Variants in CREBBP observed in about 807,000 individuals in gnomAD.
The protein encoded by CREBBP is CREB binding lysine acetyltransferase, also known as CREB-binding protein.
Under a neutral mutation model 265.0 loss-of-function variants are expected in CREBBP, and 19 were observed. That is an observed-to-expected ratio of 0.07 (90% CI 0.05 to 0.11). CREBBP has a LOEUF of 0.11. Among genes scored for constraint, CREBBP ranks in the 10% least tolerant of loss-of-function variants. The probability of loss-of-function intolerance (pLI) is 1.00; values close to 1 mark genes in which losing one functional copy is unlikely to be tolerated. For missense variants in CREBBP, 2,525 were observed against 3,219.0 expected (o/e 0.78, Z 5.22); for synonymous variants, 1,457 against 1,223.7 (o/e 1.19, Z -3.98).
chr16:3,754,862 T>C (rs781248144), intron 19 of CREBBP, among the ~76,000 whole-genome samples: 8 of 152,188 alleles, frequency 5.3e-5, no homozygotes, highest in Non-Finnish European at 1.0e-4. Context: ...GCCAAGACAA[T>C]TATTCATAAG....
chr16:3,743,151 C>T (rs1411848160), intron 23 of CREBBP: 1 of 152,200 alleles, frequency 6.6e-6, no homozygotes, highest in Non-Finnish European at 1.5e-5. Flanking sequence ...ACATTTCTGA[C>T]AGACGTAATG....
chr16:3,760,391 GTTTTTTTTTTTTTTTT>G (rs35861892), intron 16 of CREBBP, among the ~76,000 whole-genome samples: 1 of 75,912 alleles, frequency 1.3e-5, no homozygotes, highest in African/African-American at 5.0e-5. Context: ...TCATGCCCAG[GTTTTTTTTTTTTTTTT>G]TTTTTTTTTT....
chr16:3,766,113 T>G (rs138925237), intron 16 of CREBBP, among the ~76,000 whole-genome samples: 1 of 152,194 alleles, frequency 6.6e-6, no homozygotes, highest in African/African-American at 2.4e-5. Context: ...AGAACTTAAG[T>G]GTCAATTGAA....
chr16:3,870,184 C>G (rs1338855693), intron 1 of CREBBP, among the ~76,000 whole-genome samples: 2 of 151,628 alleles, frequency 1.3e-5, no homozygotes, highest in Non-Finnish European at 2.9e-5. Context: ...AACAGAAAAA[C>G]AGTAATCTCC....
At chr16:3,870,129 G>GT (rs1445207257) in intron 1 of CREBBP, among the ~76,000 whole-genome samples, 1 of 151,912 alleles carries the variant, frequency 6.6e-6, no homozygotes, top group Non-Finnish European at 1.5e-5. Flanking sequence ...CCACCACGGG[G>GT]TAACTTTTAC....
In CREBBP at chr16:3,727,841, G is replaced by A; in HGVS notation, c.7206C>T (p.Asn2402=). The A allele has an allele frequency of 1.2e-6, 2 of 1,614,160 alleles. No homozygotes were observed. Among genetic ancestry groups the A allele is most frequent in the Middle Eastern group, 1.6e-4 (1 of 6,062 alleles). The part of the protein sequence containing the change: ...ASSIDQGHLG[N]PEQSAMLPQL... ...GGGGGAGCATTGCACTCTGTTCGGGGTTCCCCAAGTGTCCCTGATCTATGG... is the reference window on the plus strand; with the variant it reads ...GGGGGAGCATTGCACTCTGTTCGGGATTCCCCAAGTGTCCCTGATCTATGG... Residue 2402 remains asparagine (N), a synonymous_variant, in exon 31 of 31, where the codon AAC becomes AAT. Coordinates refer to ENST00000262367, the MANE Select transcript of CREBBP (RefSeq NM_004380.3).
chr16:3,743,049 T>C (rs1436184638), intron 23 of CREBBP: 1 of 152,212 alleles, frequency 6.6e-6, no homozygotes, highest in Non-Finnish European at 1.5e-5. Flanking sequence ...TCAAATGCAT[T>C]AGCGAACTCA....
chr16:3,818,323 T>C (rs2054077918), intron 2 of CREBBP, among the ~76,000 whole-genome samples: 1 of 148,546 alleles, frequency 6.7e-6, no homozygotes. Context: ...TTTTTTTTTT[T>C]TGAGATGGAG....
At chr16:3,789,088 GAAGTT>G (rs1330133959) in intron 5 of CREBBP, among the ~76,000 whole-genome samples, 1 of 152,242 alleles carries the variant, frequency 6.6e-6, no homozygotes, top group Non-Finnish European at 1.5e-5. Flanking sequence ...ATTAATCACA[GAAGTT>G]AAGAGAGTGG....
intron 19 of CREBBP, among the ~76,000 whole-genome samples, chr16:3,754,450 C>G (rs959468813): frequency 6.6e-6 from 1 of 152,156 alleles, no homozygotes; most frequent in African/African-American, 2.4e-5. Context: ...GACATTTTGC[C>G]TGGTGTGAAG....
At chr16:3,798,336 T>G (rs539558902) in intron 3 of CREBBP, among the ~76,000 whole-genome samples, 1 of 152,242 alleles carries the variant, frequency 6.6e-6, no homozygotes, top group African/African-American at 2.4e-5. Flanking sequence ...TCATAAAAAA[T>G]TAAACTTTTA....
intron 28 of CREBBP, among the ~76,000 whole-genome samples, chr16:3,734,250 A>G (rs1261727509): frequency 6.6e-6 from 1 of 152,172 alleles, no homozygotes; most frequent in South Asian, 2.1e-4. Flanking sequence ...CCCACGCACC[A>G]GCCCTCACTA....
At chr16:3,862,779 C>A (rs1597075000) in intron 1 of CREBBP, among the ~76,000 whole-genome samples, 1 of 152,136 alleles carries the variant, frequency 6.6e-6, no homozygotes, top group Non-Finnish European at 1.5e-5. Context: ...GGCAGAGCAG[C>A]CAGCTTTGCC....
intron 1 of CREBBP, among the ~76,000 whole-genome samples, chr16:3,879,185 T>C (rs921586482): frequency 6.6e-6 from 1 of 151,908 alleles, no homozygotes; most frequent in Non-Finnish European, 1.5e-5. Flanking sequence ...CTAACGAAGT[T>C]TGGGTTTTGA....
chr16:3,783,745 G>C (rs956633117), intron 5 of CREBBP, among the ~76,000 whole-genome samples: 3 of 152,224 alleles, frequency 2.0e-5, no homozygotes, highest in Admixed American at 6.5e-5. Context: ...TGCTACTGAG[G>C]CCCACTGCTG....
At chr16:3,754,138 A>G (rs1180078404) in intron 19 of CREBBP, among the ~76,000 whole-genome samples, 1 of 152,180 alleles carries the variant, frequency 6.6e-6, no homozygotes, top group Non-Finnish European at 1.5e-5. Flanking sequence ...AGCATTATCA[A>G]CAGACTCCTT....
At chr16:3,778,954 G>T in intron 8 of CREBBP, 137 bp from the exon 9 acceptor site, 2 of 681,656 alleles carry the variant, frequency 2.9e-6, no homozygotes, top group Non-Finnish European at 2.6e-6. Flanking sequence ...ATCACCTGAG[G>T]TCAGCAGTTT....
intron 13 of CREBBP, among the ~76,000 whole-genome samples, chr16:3,771,462 G>A (rs993206242): frequency 1.3e-5 from 2 of 152,040 alleles, no homozygotes; most frequent in Non-Finnish European, 2.9e-5. Flanking sequence ...CCTCAATAAC[G>A]GTAAAACTAC....
chr16:3,758,155 T>C (rs2052631001), intron 17 of CREBBP, 107 bp from the exon 18 acceptor site: 2 of 1,170,236 alleles, frequency 1.7e-6, no homozygotes, highest in South Asian at 1.4e-5. Context: ...AGCACCAAAA[T>C]AACTTCCATT....
Sources: gnomAD v4.1 joint callset for allele counts (sites outside exome capture counted in the v4.1 genomes callset) on GRCh38, gnomAD v4.1.1 for gene constraint, MANE v1.5 for transcripts, NCBI Gene and HGNC (gene_info 2026-07-23, HGNC 2026-07-21) for gene names.